FAM120B: variants seen among roughly 807,000 people sequenced by gnomAD.
FAM120B encodes constitutive coactivator of peroxisome proliferator-activated receptor gamma.
A neutral mutation model predicts 96.3 loss-of-function variants in FAM120B; 83 were observed. The observed-to-expected ratio is 0.86, with a 90% CI of 0.72 to 1.03. The LOEUF is 1.03. Ranked by LOEUF, FAM120B falls within the 50% of genes least tolerant of loss-of-function variation. The pLI, the probability that FAM120B is intolerant of heterozygous loss-of-function variation, is 0.00. For missense variants in FAM120B, 1,027 were observed against 1,121.2 expected (o/e 0.92, Z 1.20); for synonymous variants, 407 against 402.7 (o/e 1.01, Z -0.13).
In FAM120B at chr6:170,318,837, C is replaced by T. The variant is rs756511513; in HGVS notation, c.1447C>T (p.Gln483Ter). ...CATGTATACAGGCCCTGAATCCAGG[C>T]AAGAAGTTTTAATACGGACAGACCC... ...VPMYTGPESR[Q>*]EVLIRTDPES... Residue 483 changes from glutamine to a stop codon, truncating the protein, a stop_gained, in exon 2 of 11, where the codon CAA becomes TAA. Transcript: ENST00000476287. LOFTEE classifies it high-confidence loss of function. 3 of 1,614,206 alleles carry T rather than the reference C, an allele frequency of 1.9e-6. No homozygotes were observed. The highest frequency in any genetic ancestry group is 1.7e-6 in the Non-Finnish European group (2 of 1,180,046).
chr6:170,291,321 G>A (rs118126051), upstream of FAM120B, among the ~76,000 whole-genome samples: 14,941 of 151,980 alleles, frequency 0.098, 830 homozygotes, highest in East Asian at 0.2. Context: ...CGCGGGGGGC[G>A]GCGCTGCGGG....
At chr6:170,341,248 G>T (rs942989264) in intron 4 of FAM120B, among the ~76,000 whole-genome samples, 4 of 152,194 alleles carry the variant, frequency 2.6e-5, no homozygotes, top group African/African-American at 7.2e-5. Flanking sequence ...CCACTTTGCC[G>T]CACTGTGGTG....
upstream of FAM120B, among the ~76,000 whole-genome samples, chr6:170,304,931 G>T (rs1309825267): frequency 6.6e-6 from 1 of 152,132 alleles, no homozygotes; most frequent in Non-Finnish European, 1.5e-5. Flanking sequence ...AGCTCTGGAG[G>T]CGCTGAGGTC....
rs1778342324 is a variant in FAM120B, at chr6:170,398,581, G to C, written c.2692+3002G>C. On this transcript the variant is annotated intron_variant, in intron 9 of 10. Coordinates refer to ENST00000476287, the MANE Select transcript of FAM120B (RefSeq NM_032448.3). ...GGTAGAACTATGTCATAAGCCTTAG[G>C]AGTGAGTGGGGAAGGTAGAACTATG... Among the ~76,000 whole-genome samples, 2 of 138,524 alleles carry C rather than the reference G, an allele frequency of 1.4e-5. 1 individual carries two copies. The highest frequency in any genetic ancestry group is 5.7e-5 in the African/African-American group (2 of 35,312). The allele number at this position is 138,524 out of a possible 152,430, so 90.9% of individuals were successfully genotyped here.
upstream of FAM120B, among the ~76,000 whole-genome samples, chr6:170,305,288 G>C (rs896101151): frequency 7.9e-5 from 12 of 152,290 alleles, no homozygotes; most frequent in African/African-American, 2.9e-4. Flanking sequence ...CTTAAGACTA[G>C]AGGTCATTTC....
chr6:170,404,685 T>G (rs1219628359), intron 10 of FAM120B, 78 bp from the exon 11 acceptor site: 2 of 1,058,074 alleles, frequency 1.9e-6, no homozygotes, highest in Non-Finnish European at 2.9e-6. Flanking sequence ...AGTACCAAAG[T>G]AAACAGAACT....
upstream of FAM120B, among the ~76,000 whole-genome samples, chr6:170,302,160 T>C (rs977992172): frequency 8.5e-5 from 13 of 152,164 alleles, no homozygotes; most frequent in Non-Finnish European, 1.9e-4. Flanking sequence ...TCAGCATGGT[T>C]AGGGAGGCCT....
rs1171855441 is a variant in FAM120B, at chr6:170,370,322, C to T, written c.2283+12004C>T. ...TCTGAGACGCAGCTACGTCCCCGAGCTCTTTGTGGAAGACAGGGAAAGTGA... is the reference window on the plus strand; with the variant it reads ...TCTGAGACGCAGCTACGTCCCCGAGTTCTTTGTGGAAGACAGGGAAAGTGA... On this transcript the variant is annotated intron_variant, in intron 6 of 10. Coordinates refer to ENST00000476287, the MANE Select transcript of FAM120B (RefSeq NM_032448.3). The surrounding 1 kb of genome is among the most constrained non-coding windows in gnomAD (Gnocchi z 4.3). Among the ~76,000 whole-genome samples, 1 of 152,206 alleles carries T rather than the reference C, an allele frequency of 6.6e-6. No homozygotes were observed. The highest frequency in any genetic ancestry group is 1.5e-5 in the Non-Finnish European group (1 of 68,028).
chr6:170,328,768 T>A (rs532029687), intron 3 of FAM120B, among the ~76,000 whole-genome samples: 1 of 152,302 alleles, frequency 6.6e-6, no homozygotes, highest in African/African-American at 2.4e-5. Flanking sequence ...TCCTACAGGG[T>A]CCACATAGTT....
intron 4 of FAM120B, among the ~76,000 whole-genome samples, chr6:170,335,179 G>A (rs1168717634): frequency 6.6e-6 from 1 of 151,720 alleles, no homozygotes; most frequent in Admixed American, 6.6e-5. Flanking sequence ...CATGCATTAG[G>A]TATTTGTCCT....
At chr6:170,374,090 GA>G (rs1408567621) in intron 6 of FAM120B, among the ~76,000 whole-genome samples, 1 of 152,170 alleles carries the variant, frequency 6.6e-6, no homozygotes, top group Non-Finnish European at 1.5e-5. Flanking sequence ...CCTTGTTGAG[GA>G]AACTGAATGT....
intron 6 of FAM120B, among the ~76,000 whole-genome samples, chr6:170,382,871 A>G (rs1280626264): frequency 2.0e-5 from 3 of 152,240 alleles, no homozygotes; most frequent in Admixed American, 1.3e-4. Flanking sequence ...GAAAATGGGC[A>G]GAATCACTGT....
intron 6 of FAM120B, among the ~76,000 whole-genome samples, chr6:170,364,376 T>A (rs1017959930): frequency 6.6e-6 from 1 of 152,188 alleles, no homozygotes; most frequent in Non-Finnish European, 1.5e-5. Context: ...TGAGGGGGAC[T>A]CGTGGGTGAG....
At chr6:170,375,618 C>T (rs1789462232) in intron 6 of FAM120B, among the ~76,000 whole-genome samples, 1 of 152,160 alleles carries the variant, frequency 6.6e-6, no homozygotes, top group Non-Finnish European at 1.5e-5. Context: ...AATCAGCAAA[C>T]TCATTTATTC....
At chr6:170,326,293 G>A (rs950302994) in intron 3 of FAM120B, among the ~76,000 whole-genome samples, 2 of 151,372 alleles carry the variant, frequency 1.3e-5, no homozygotes, top group African/African-American at 4.9e-5. Flanking sequence ...GTGTAGGTCT[G>A]TGCAAAGATC....
intron 4 of FAM120B, among the ~76,000 whole-genome samples, chr6:170,345,227 C>T (rs928777984): frequency 6.6e-6 from 1 of 152,184 alleles, no homozygotes; most frequent in African/African-American, 2.4e-5. Flanking sequence ...CCAGCAAAGT[C>T]CAGCCCAATG....
At chr6:170,364,673 G>C (rs1006652678) in intron 6 of FAM120B, among the ~76,000 whole-genome samples, 35 of 152,296 alleles carry the variant, frequency 2.3e-4, no homozygotes, top group African/African-American at 8.2e-4. Flanking sequence ...TCTCTCTGGG[G>C]TTCTCTACAA....
At chr6:170,305,249 G>C (rs1186305877), upstream of FAM120B, among the ~76,000 whole-genome samples, 1 of 152,144 alleles carries the variant, frequency 6.6e-6, no homozygotes, top group Non-Finnish European at 1.5e-5. Context: ...AAGTATGTTA[G>C]TTTATGTCCC....
intron 6 of FAM120B, among the ~76,000 whole-genome samples, chr6:170,360,288 A>T (rs113669909): frequency 5.3e-5 from 8 of 152,308 alleles, no homozygotes; most frequent in African/African-American, 1.9e-4. Context: ...TCTCATTTGT[A>T]AAATGAAGAA....
Sources: allele counts gnomAD v4.1 joint callset (sites outside exome capture counted in the v4.1 genomes callset), GRCh38; gene constraint gnomAD v4.1.1; non-coding constraint Gnocchi (gnomAD v3.1); transcripts MANE v1.5; gene names NCBI Gene and HGNC (gene_info 2026-07-23, HGNC 2026-07-21).